NUP98: variants seen among roughly 807,000 people sequenced by gnomAD.
NUP98 encodes nucleoporin 98 and 96 precursor, also known as nuclear pore complex protein Nup98-Nup96.
Under a neutral mutation model 191.9 loss-of-function variants are expected in NUP98, and 26 were observed. That is an observed-to-expected ratio of 0.14 (90% CI 0.10 to 0.19). The LOEUF is 0.19. Ranked by LOEUF, NUP98 falls within the 10% of genes least tolerant of loss-of-function variation. The pLI is 1.00. For missense variants in NUP98, 1,941 were observed against 2,178.8 expected, an observed-to-expected ratio of 0.89 and a Z score of 2.17; for synonymous variants, 808 against 778.4, an observed-to-expected ratio of 1.04 and a Z score of -0.63.
chr11:3,756,225 G>A (rs1210354138), intron 10 of NUP98, among the ~76,000 whole-genome samples: 2 of 152,062 alleles, frequency 1.3e-5, no homozygotes, highest in East Asian at 1.9e-4. Context: ...CAAGACACTC[G>A]TGAACTATCT....
chr11:3,688,320 G>A (rs1391904055), intron 28 of NUP98, among the ~76,000 whole-genome samples: 1 of 151,874 alleles, frequency 6.6e-6, no homozygotes, highest in African/African-American at 2.4e-5. Context: ...GCAGGAGAAT[G>A]GTGTGAACCC....
At chr11:3,796,585 A>C (rs562954926) in intron 1 of NUP98, among the ~76,000 whole-genome samples, 148 of 152,362 alleles carry the variant, frequency 9.7e-4, no homozygotes, top group African/African-American at 3.3e-3. Context: ...TGAAGACTAC[A>C]TCTACGTTTA....
chr11:3,736,363 G>A (rs12224301), intron 12 of NUP98, among the ~76,000 whole-genome samples: 6,497 of 152,274 alleles, frequency 0.043, 359 homozygotes, highest in East Asian at 0.26. Flanking sequence ...CCAATATTAA[G>A]TTAATAGTTG....
chr11:3,740,825 T>TA lies in NUP98; in HGVS notation c.1408+3683_1408+3684insT, dbSNP rs199991859. Among the ~76,000 whole-genome samples, 762 of 142,274 alleles carry TA rather than the reference T, an allele frequency of 5.4e-3. 6 individuals are homozygous for TA. Among genetic ancestry groups the TA allele is most frequent in the South Asian group, 0.014 (64 of 4,572 alleles). 93.3% of individuals were successfully genotyped at this position (142,274 alleles called of 152,430 possible). On this transcript the variant is annotated intron_variant, in intron 12 of 32. Transcript: ENST00000324932. ...TTAAATATAAATATATATATATATA[T>TA]TTTTTTTTTTGGAGACAGAGTCTCG...
chr11:3,717,704 A>T (rs142675885), intron 18 of NUP98, among the ~76,000 whole-genome samples: 1 of 152,222 alleles, frequency 6.6e-6, no homozygotes, highest in African/African-American at 2.4e-5. Context: ...TTGCAGTAGT[A>T]TATTTGGGAA....
chr11:3,696,814 A>C (rs2078522611), intron 25 of NUP98: 1 of 141,614 alleles, frequency 7.1e-6, no homozygotes, highest in Admixed American at 6.8e-5. Context: ...TCTCGAAAAC[A>C]AAAACAAAAA....
At chr11:3,733,721 T>C (rs549976867) in intron 13 of NUP98, among the ~76,000 whole-genome samples, 1 of 152,336 alleles carries the variant, frequency 6.6e-6, no homozygotes, top group Non-Finnish European at 1.5e-5. Context: ...TATAAAACAT[T>C]TTGTTTATCC....
intron 13 of NUP98, among the ~76,000 whole-genome samples, chr11:3,734,838 G>A (rs1026490434): frequency 7.9e-5 from 12 of 152,074 alleles, no homozygotes; most frequent in African/African-American, 2.2e-4. Flanking sequence ...AGACCGAGGC[G>A]GGAGGATTCC....
intron 1 of NUP98, among the ~76,000 whole-genome samples, chr11:3,794,555 G>C (rs777972952): frequency 6.6e-6 from 1 of 151,940 alleles, no homozygotes; most frequent in Non-Finnish European, 1.5e-5. Flanking sequence ...TCAAACTCCT[G>C]AGCTCAGGCA....
chr11:3,766,689 CAAAAAA>C (rs544567161), intron 8 of NUP98, among the ~76,000 whole-genome samples: 5 of 58,880 alleles, frequency 8.5e-5, no homozygotes, highest in African/African-American at 2.8e-4. Flanking sequence ...AACTCCGTCT[CAAAAAA>C]AAAAAAAAAA....
intron 30 of NUP98, among the ~76,000 whole-genome samples, chr11:3,682,238 T>G (rs907898511): frequency 1.3e-5 from 2 of 152,248 alleles, no homozygotes; most frequent in African/African-American, 4.8e-5. Context: ...AGAAAGCTGT[T>G]TCACTTTCAT....
At chr11:3,770,422 G>A (rs2081488659) in intron 7 of NUP98, among the ~76,000 whole-genome samples, 1 of 152,148 alleles carries the variant, frequency 6.6e-6, no homozygotes, top group Non-Finnish European at 1.5e-5. Context: ...GGGCTGTAGT[G>A]AGCCCTGATC....
intron 11 of NUP98, 139 bp downstream of exon 11, chr11:3,753,177 A>C (rs1452164662): frequency 5.7e-6 from 4 of 705,196 alleles, no homozygotes; most frequent in Non-Finnish European, 7.4e-6. Context: ...ACTGCTGGGA[A>C]TGTCTTATAA....
chr11:3,752,334 T>C (rs915188208), intron 11 of NUP98, among the ~76,000 whole-genome samples: 1 of 151,616 alleles, frequency 6.6e-6, no homozygotes, highest in Non-Finnish European at 1.5e-5. Context: ...CTGACCAACA[T>C]AGTGACACCC....
intron 1 of NUP98, among the ~76,000 whole-genome samples, chr11:3,784,657 A>C (rs1265013518): frequency 6.6e-6 from 1 of 152,010 alleles, no homozygotes; most frequent in Non-Finnish European, 1.5e-5. Flanking sequence ...GTGAGGTTGA[A>C]GCTAGAGAAT....
At chr11:3,726,522 C>G (rs1468104864) in intron 14 of NUP98, among the ~76,000 whole-genome samples, 1 of 125,996 alleles carries the variant, frequency 7.9e-6, no homozygotes, top group Non-Finnish European at 1.6e-5. Context: ...ACGCCACTGA[C>G]ATTAAAAAAA....
At chr11:3,711,810 T>C in intron 20 of NUP98, 1 of 1,013,862 alleles carries the variant, frequency 9.9e-7, no homozygotes, top group Non-Finnish European at 1.2e-6. Context: ...CGCGCAAACA[T>C]GTATATACAC....
intron 7 of NUP98, 27 bp downstream of exon 7, chr11:3,771,721 T>C (rs756789775): frequency 6.2e-7 from 1 of 1,602,522 alleles, no homozygotes. Context: ...CTCCTCAGTA[T>C]AATCTAACAT....
chr11:3,764,697 GC>G (rs2081280473), intron 8 of NUP98, among the ~76,000 whole-genome samples: 1 of 152,108 alleles, frequency 6.6e-6, no homozygotes, highest in Non-Finnish European at 1.5e-5. Context: ...TCCTGCCTCA[GC>G]CCCCTGAGTA....
Sources: gnomAD v4.1 joint callset for allele counts (sites outside exome capture counted in the v4.1 genomes callset) on GRCh38, gnomAD v4.1.1 for gene constraint, MANE v1.5 for transcripts, NCBI Gene and HGNC (gene_info 2026-07-23, HGNC 2026-07-21) for gene names.